The following OTOA variants were observed in gnomAD, a reference collection of about 807,000 sequenced individuals.
The protein encoded by OTOA is cancer/testis antigen 108.
A neutral mutation model predicts 110.8 loss-of-function variants in OTOA; 70 were observed. The ratio of observed to expected loss-of-function variants is 0.63; its 90% CI spans 0.52 to 0.77. The LOEUF is 0.77. OTOA is among the 30% of genes least tolerant of loss of function. OTOA has a pLI of 0.00. For missense variants in OTOA, 917 were observed against 1,075.8 expected (o/e 0.85, Z 2.06); for synonymous variants, 373 against 431.5 (o/e 0.86, Z 1.68).
At chr16:21,668,403 G>A (rs1966844733) in intron 1 of OTOA, among the ~76,000 whole-genome samples, 1 of 150,656 alleles carries the variant, frequency 6.6e-6, no homozygotes, top group African/African-American at 2.4e-5. Context: ...CACTGTGCCT[G>A]GCCTAATTTT....
rs543328339 is a variant in OTOA, at chr16:21,676,563, C to T, written c.-4-1948C>T. On this transcript the variant is annotated intron_variant, in intron 1 of 28. Coordinates refer to ENST00000646100, the MANE Select transcript of OTOA (RefSeq NM_144672.4). ...CAGCTTGCAGGAGCTATTCTCATTC[C>T]CCTGTGAGGTCCAAGGATTGTTCTG... Among the ~76,000 whole-genome samples the T allele has an allele frequency of 3.7e-4, 57 of 152,196 alleles. 1 individual carries two copies. The South Asian group carries it at 5.0e-3, about 13-fold the overall frequency.
At chr16:21,718,435 C>T (rs1898623975) in intron 15 of OTOA, among the ~76,000 whole-genome samples, 1 of 152,170 alleles carries the variant, frequency 6.6e-6, no homozygotes, top group African/African-American at 2.4e-5. Flanking sequence ...CAGAACTTTC[C>T]TCCATCGTCC....
intron 24 of OTOA, among the ~76,000 whole-genome samples, chr16:21,749,369 A>C (rs1899748101): frequency 7.4e-6 from 1 of 134,500 alleles, no homozygotes; most frequent in Non-Finnish European, 1.6e-5. Flanking sequence ...TCTACTAAAA[A>C]CACAAAAAAT....
intron 1 of OTOA, among the ~76,000 whole-genome samples, chr16:21,669,031 A>G (rs1179622198): frequency 6.6e-6 from 1 of 152,000 alleles, no homozygotes; most frequent in Non-Finnish European, 1.5e-5. Context: ...GATATCATTC[A>G]GGGTTTAAAT....
intron 11 of OTOA, among the ~76,000 whole-genome samples, chr16:21,704,185 C>T (rs1898108062): frequency 6.6e-6 from 1 of 152,090 alleles, no homozygotes; most frequent in Non-Finnish European, 1.5e-5. Flanking sequence ...CATTGTTTTC[C>T]TCCAGTCTTT....
intron 12 of OTOA, among the ~76,000 whole-genome samples, chr16:21,708,083 G>A (rs1166010197): frequency 6.6e-6 from 1 of 151,912 alleles, no homozygotes; most frequent in Non-Finnish European, 1.5e-5. Context: ...GAGCCACCAC[G>A]CCCGGTCTGT....
chr16:21,679,367 C>A (rs535192299), intron 5 of OTOA, among the ~76,000 whole-genome samples, 156 bp downstream of exon 5: 2 of 152,272 alleles, frequency 1.3e-5, no homozygotes, highest in East Asian at 1.9e-4. Context: ...CCTTGCTCCA[C>A]GGGCATCATT....
chr16:21,705,812 G>T (rs373140998), intron 12 of OTOA, among the ~76,000 whole-genome samples: 1 of 152,076 alleles, frequency 6.6e-6, no homozygotes, highest in Non-Finnish European at 1.5e-5. Context: ...GGTGGCATGC[G>T]CCTGTAATCC....
At chr16:21,731,385 T>C (rs1899112376) in intron 21 of OTOA, among the ~76,000 whole-genome samples, 1 of 152,214 alleles carries the variant, frequency 6.6e-6, no homozygotes, top group Non-Finnish European at 1.5e-5. Context: ...AGTTAGACAG[T>C]CTAGACCAAG....
intron 6 of OTOA, among the ~76,000 whole-genome samples, chr16:21,684,735 A>ATTATT (rs1260166562): frequency 5.3e-4 from 25 of 46,860 alleles, no homozygotes; most frequent in South Asian, 8.5e-4. Flanking sequence ...TATTATTATT[A>ATTATT]TTATTATTAT....
chr16:21,699,218 C>T (rs977386411), intron 10 of OTOA, among the ~76,000 whole-genome samples: 5 of 152,154 alleles, frequency 3.3e-5, no homozygotes, highest in Non-Finnish European at 7.3e-5. Flanking sequence ...TCCCAAAGTG[C>T]TGGTATTACA....
Position 21,723,096 on chromosome 16 carries a change from A to G in OTOA, c.1880+118A>G, listed in dbSNP as rs12598177. ...TCAGGAACCAGAGGCAGAGTGGAGG[A>G]TGCCTTAGAGAGTTAAGCCCTTGAG... On this transcript the variant is annotated intron_variant, in intron 18 of 28. Transcript: ENST00000646100. 0.25 allele frequency: 248,392 copies of G among 986,566 alleles called. 33,418 individuals are homozygous for G. Among genetic ancestry groups the G allele is most frequent in the Non-Finnish European group, 0.27 (169,046 of 625,370 alleles). The allele number at this position is 986,566 out of a possible 1,614,324, so 61.1% of individuals were successfully genotyped here. A position where few individuals can be genotyped will look rare whatever the true frequency, so the allele number is the denominator to read the frequency against.
chr16:21,673,555 A>G (rs1966852111), intron 1 of OTOA, among the ~76,000 whole-genome samples: 1 of 152,154 alleles, frequency 6.6e-6, no homozygotes, highest in Non-Finnish European at 1.5e-5. Flanking sequence ...AATCATTAGT[A>G]TATAACTTTC....
At chr16:21,664,583 T>C (rs1460691500) in intron 1 of OTOA, among the ~76,000 whole-genome samples, 1 of 152,160 alleles carries the variant, frequency 6.6e-6, no homozygotes, top group South Asian at 2.1e-4. Context: ...ATAGCTACGA[T>C]TCATTGCATT....
intron 17 of OTOA, chr16:21,721,468 T>C (rs1211490213): frequency 2.2e-6 from 1 of 455,994 alleles, no homozygotes; most frequent in East Asian, 7.0e-5. Flanking sequence ...CATCCTACAA[T>C]GCGTAGGACA....
chr16:21,725,169 T>C (rs1430358398), intron 18 of OTOA, among the ~76,000 whole-genome samples: 5 of 152,210 alleles, frequency 3.3e-5, no homozygotes, highest in African/African-American at 9.7e-5. Flanking sequence ...TTCATTGTTA[T>C]ATTTGGTGCC....
At chr16:21,703,961 G>A (rs553609264) in intron 11 of OTOA, among the ~76,000 whole-genome samples, 1 of 152,178 alleles carries the variant, frequency 6.6e-6, no homozygotes, top group African/African-American at 2.4e-5. Flanking sequence ...GGCTCAGAGA[G>A]GGAGAGGCAC....
intron 6 of OTOA, among the ~76,000 whole-genome samples, chr16:21,684,830 C>T (rs1319807369): frequency 1.3e-5 from 2 of 151,254 alleles, no homozygotes; most frequent in African/African-American, 4.9e-5. Context: ...CGGCTCACTG[C>T]AACCTCCGCC....
chr16:21,672,713 T>C (rs905447329), intron 1 of OTOA, among the ~76,000 whole-genome samples: 9 of 152,118 alleles, frequency 5.9e-5, no homozygotes, highest in Non-Finnish European at 4.4e-5. Flanking sequence ...TGGTGATCAG[T>C]CAGGGTAATT....
Sources: gnomAD v4.1 joint callset for allele counts (sites outside exome capture counted in the v4.1 genomes callset) on GRCh38, gnomAD v4.1.1 for gene constraint, MANE v1.5 for transcripts, NCBI Gene and HGNC (gene_info 2026-07-23, HGNC 2026-07-21) for gene names.